The following TSG101 variants were observed in gnomAD, a reference collection of about 807,000 sequenced individuals.
The protein encoded by TSG101 is tumor susceptibility 101, also known as tumor susceptibility gene 101 protein.
TSG101 carries 19 observed loss-of-function variants against 48.5 expected under a neutral mutation model. The observed-to-expected ratio is 0.39, with a 90% CI of 0.27 to 0.58. The LOEUF (loss-of-function observed/expected upper bound fraction) is 0.58. Ranked by LOEUF, TSG101 falls within the 20% of genes least tolerant of loss-of-function variation. The pLI is 0.55. For synonymous variants in TSG101, 174 were observed against 169.4 expected (o/e 1.03, Z -0.21); for missense variants, 365 against 484.4 (o/e 0.75, Z 2.31).
At chr11:18,493,671 A>T (rs1849729940) in intron 7 of TSG101, among the ~76,000 whole-genome samples, 1 of 152,188 alleles carries the variant, frequency 6.6e-6, no homozygotes, top group Admixed American at 6.5e-5. Context: ...CTGACCATCT[A>T]TTTAGAAACT....
chr11:18,519,907 C>A (rs77467392), intron 1 of TSG101, among the ~76,000 whole-genome samples: 16 of 152,238 alleles, frequency 1.1e-4, no homozygotes, highest in African/African-American at 3.9e-4. Flanking sequence ...CCATTAATAG[C>A]TTTTTAAAGA....
At chr11:18,495,666 GTTTTTTTT>G (rs35958204) in intron 7 of TSG101, among the ~76,000 whole-genome samples, 1 of 135,912 alleles carries the variant, frequency 7.4e-6, no homozygotes, top group Non-Finnish European at 1.6e-5. Context: ...TACCAGTTAG[GTTTTTTTT>G]TTTTTTTTTG....
At position 18,526,853 on chromosome 11, in the gene TSG101, G is replaced by A. The variant is rs933627478; in HGVS notation, c.-37C>T. ...GGCGACTCCCTTCCCCGCAGGCAGA[G>A]GGTCAGCCGCTGCTGGGCTGCCCCA... On this transcript the variant is annotated 5_prime_UTR_variant, in exon 1 of 10. Coordinates refer to ENST00000251968, the MANE Select transcript of TSG101 (RefSeq NM_006292.4). The A allele has an allele frequency of 1.6e-5, 25 of 1,592,052 alleles. No homozygotes were observed. Among genetic ancestry groups the A allele is most frequent in the African/African-American group, 9.4e-5 (7 of 74,702 alleles).
At position 18,521,669 on chromosome 11, in the gene TSG101, C is replaced by CTTTT. The variant is rs1565096217; in HGVS notation, c.43-2067_43-2066insAAAA. ...TATGAACCACTGCACCTGGCCCCTTCCTTTTTTTTTTTTTTTTTTTTTTTT... is the reference window on the plus strand; with the variant it reads ...TATGAACCACTGCACCTGGCCCCTTCTTTTCTTTTTTTTTTTTTTTTTTTTTTTT... On this transcript the variant is annotated intron_variant, in intron 1 of 9. Transcript: ENST00000251968. 2.7e-5 allele frequency among the ~76,000 whole-genome samples: 3 copies of CTTTT among 111,440 alleles called. 1 individual carries two copies. The highest frequency in any genetic ancestry group is 3.3e-5 in the African/African-American group (1 of 30,154). 73.1% of individuals were successfully genotyped at this position (111,440 alleles called of 152,430 possible).
chr11:18,500,002 C>T (rs937067283), intron 7 of TSG101, among the ~76,000 whole-genome samples: 1 of 152,150 alleles, frequency 6.6e-6, no homozygotes, highest in South Asian at 2.1e-4. Context: ...TAAGCCCTAT[C>T]CCACCCACAC....
In TSG101 at chr11:18,519,510, T is replaced by A. The variant is rs1195498974; in HGVS notation, c.127+9A>T. The A allele has an allele frequency of 1.3e-6, 2 of 1,593,482 alleles. No individual in the cohort carries two copies. Among genetic ancestry groups the A allele is most frequent in the Admixed American group, 3.4e-5 (2 of 58,502 alleles). On this transcript the variant is annotated intron_variant, in intron 2 of 9. Coordinates refer to ENST00000251968, the MANE Select transcript of TSG101 (RefSeq NM_006292.4). The stretch of plus-strand genomic sequence containing the variant: ...TATAGAAATTGCTATTTTTACTGCA[T>A]AAACTCACCATATGAATCCAAAACA...
intron 7 of TSG101, among the ~76,000 whole-genome samples, chr11:18,495,319 T>C (rs1459196313): frequency 1.3e-5 from 2 of 152,218 alleles, no homozygotes; most frequent in Admixed American, 6.5e-5. Flanking sequence ...AAACTGTGTA[T>C]ATGTTAAAGG....
intron 1 of TSG101, among the ~76,000 whole-genome samples, chr11:18,521,109 T>C (rs1850266051): frequency 6.6e-6 from 1 of 152,118 alleles, no homozygotes; most frequent in African/African-American, 2.4e-5. Context: ...ATAACGTTTT[T>C]TCATCATGGA....
intron 7 of TSG101, among the ~76,000 whole-genome samples, chr11:18,492,991 C>T (rs1329300717): frequency 6.6e-6 from 1 of 152,162 alleles, no homozygotes; most frequent in Non-Finnish European, 1.5e-5. Context: ...TCTCAAACAT[C>T]TTAGAAGAAA....
At chr11:18,512,718 G>A (rs943686042) in intron 4 of TSG101, among the ~76,000 whole-genome samples, 3 of 135,628 alleles carry the variant, frequency 2.2e-5, no homozygotes, top group Non-Finnish European at 4.7e-5. Flanking sequence ...TTGAAGGACA[G>A]ACAGATTTTT....
intron 5 of TSG101, 54 bp from the exon 6 acceptor site, chr11:18,506,977 A>G: frequency 1.4e-6 from 2 of 1,437,976 alleles, no homozygotes; most frequent in Non-Finnish European, 1.9e-6. Flanking sequence ...CTGAATATGT[A>G]GGCTACTGAA....
chr11:18,506,420 T>C (rs1041522901), intron 6 of TSG101, among the ~76,000 whole-genome samples: 1 of 151,102 alleles, frequency 6.6e-6, no homozygotes, highest in Admixed American at 6.6e-5. Flanking sequence ...AGGCTGGGCA[T>C]GGTGGCTCAC....
chr11:18,499,907 T>C (rs143568794), intron 7 of TSG101, among the ~76,000 whole-genome samples: 128 of 152,272 alleles, frequency 8.4e-4, no homozygotes, highest in African/African-American at 2.7e-3. Context: ...TTGTTAACTA[T>C]AGTCACCCTA....
At chr11:18,503,824 T>C (rs757851574) in intron 6 of TSG101, among the ~76,000 whole-genome samples, 1 of 152,142 alleles carries the variant, frequency 6.6e-6, no homozygotes, top group Non-Finnish European at 1.5e-5. Flanking sequence ...AGTTAGACAA[T>C]AAATCTCAAT....
intron 7 of TSG101, among the ~76,000 whole-genome samples, chr11:18,497,946 A>G (rs1044487207): frequency 6.6e-5 from 10 of 152,328 alleles, no homozygotes; most frequent in African/African-American, 2.4e-4. Flanking sequence ...CAGGATGGTT[A>G]CAAGTTATCA....
At chr11:18,487,295 C>A (rs1055811611) in intron 7 of TSG101, among the ~76,000 whole-genome samples, 7 of 151,540 alleles carry the variant, frequency 4.6e-5, no homozygotes, top group Non-Finnish European at 5.9e-5. Context: ...TTTCTGTTCC[C>A]AAGGGAACAT....
chr11:18,493,398 T>C (rs1026891359), intron 7 of TSG101, among the ~76,000 whole-genome samples: 1 of 152,208 alleles, frequency 6.6e-6, no homozygotes, highest in African/African-American at 2.4e-5. Flanking sequence ...TTCATTTATC[T>C]CCTAAGAGTA....
At chr11:18,509,509 TG>T (rs774389242) in intron 5 of TSG101, 32 bp downstream of exon 5, 4 of 1,599,822 alleles carry the variant, frequency 2.5e-6, no homozygotes, top group South Asian at 2.2e-5. Flanking sequence ...TTTGTTTATA[TG>T]AGTTTTAAAG....
chr11:18,512,806 C>A (rs1216355167), intron 4 of TSG101, among the ~76,000 whole-genome samples: 1 of 150,416 alleles, frequency 6.6e-6, no homozygotes, highest in Non-Finnish European at 1.5e-5. Context: ...CGGCTCACTG[C>A]AACCTCCGCC....
Sources: allele counts gnomAD v4.1 joint callset (sites outside exome capture counted in the v4.1 genomes callset), GRCh38; gene constraint gnomAD v4.1.1; transcripts MANE v1.5; gene names NCBI Gene and HGNC (gene_info 2026-07-23, HGNC 2026-07-21).